GAREM1: variants seen among roughly 807,000 people sequenced by gnomAD.
GAREM1 encodes the protein GRB2 associated regulator of MAPK1 subtype 1.
Under a neutral mutation model 71.3 loss-of-function variants are expected in GAREM1, and 26 were observed. The observed-to-expected ratio is 0.36, with a 90% confidence interval of 0.27 to 0.51. GAREM1 has a LOEUF of 0.51. Among genes scored for constraint, GAREM1 ranks in the 20% least tolerant of loss-of-function variants. GAREM1 has a pLI of 0.95. For synonymous variants in GAREM1, 440 were observed against 433.2 expected (o/e 1.02, Z -0.20); for missense variants, 1,026 against 1,103.1 (o/e 0.93, Z 0.99).
chr18:32,442,383 G>A (rs2048747039), intron 1 of GAREM1, among the ~76,000 whole-genome samples: 1 of 152,108 alleles, frequency 6.6e-6, no homozygotes, highest in East Asian at 1.9e-4. Flanking sequence ...CTCGGCATGT[G>A]ATATTTCAGG....
chr18:32,303,301 G>A (rs1330183199), intron 3 of GAREM1, among the ~76,000 whole-genome samples: 1 of 152,144 alleles, frequency 6.6e-6, no homozygotes, highest in African/African-American at 2.4e-5. Flanking sequence ...GTGAAGATAG[G>A]ATGCCTCAGA....
intron 2 of GAREM1, among the ~76,000 whole-genome samples, chr18:32,374,682 G>A (rs897343452): frequency 1.3e-5 from 2 of 152,194 alleles, no homozygotes; most frequent in Non-Finnish European, 2.9e-5. Context: ...TATAATATGT[G>A]CCTTGAGAAG....
chr18:32,423,619 C>A (rs757170016), intron 1 of GAREM1, among the ~76,000 whole-genome samples: 1 of 152,168 alleles, frequency 6.6e-6, no homozygotes, highest in Non-Finnish European at 1.5e-5. Flanking sequence ...TATATTACCA[C>A]CTCACAACTG....
At position 32,268,724 on chromosome 18, in the gene GAREM1, A is replaced by G. The variant is rs778883367; in HGVS notation, c.1778T>C (p.Val593Ala). 2 of 1,614,184 alleles carry G rather than the reference A, an allele frequency of 1.2e-6. No homozygotes were observed. Reference protein sequence around the residue: ...TDTNPSESTPVSCYPCNRVKT... With the variant: ...TDTNPSESTPASCYPCNRVKT... ...CACTCGGTTACATGGATAGCAGGAA[A>G]CAGGAGTGCTTTCAGAAGGATTTGT... Residue 593 changes from valine to alanine, a missense_variant, in exon 6 of 6, where the codon GTT becomes GCT. Val to Ala is a moderately conservative substitution (Grantham distance 64, BLOSUM62 0). Around this residue, in one of 3 missense-constraint regions of GAREM1, gnomAD observed 636 missense variants for 631.2 expected, o/e 1.01. Transcript: ENST00000269209.
intron 2 of GAREM1, among the ~76,000 whole-genome samples, chr18:32,341,045 T>A (rs1357843889): frequency 6.6e-6 from 1 of 152,178 alleles, no homozygotes; most frequent in Non-Finnish European, 1.5e-5. Context: ...TTGTTACATA[T>A]GTATACATGT....
At chr18:32,333,635 T>G (rs560216084) in intron 2 of GAREM1, among the ~76,000 whole-genome samples, 2 of 152,320 alleles carry the variant, frequency 1.3e-5, no homozygotes, top group East Asian at 3.9e-4. Context: ...CCACTCTTTT[T>G]AATTCAAAGG....
chr18:32,358,201 A>G (rs1370550849), intron 2 of GAREM1, among the ~76,000 whole-genome samples: 1 of 142,814 alleles, frequency 7.0e-6, no homozygotes, highest in Non-Finnish European at 1.5e-5. Flanking sequence ...CGGAGAGCAC[A>G]CCCGGCTTGT....
intron 1 of GAREM1, among the ~76,000 whole-genome samples, chr18:32,460,397 A>G (rs1229939914): frequency 6.6e-6 from 1 of 152,234 alleles, no homozygotes; most frequent in Non-Finnish European, 1.5e-5. Context: ...TAAGGTCATC[A>G]AAGCCCACGT....
intron 2 of GAREM1, among the ~76,000 whole-genome samples, chr18:32,363,983 A>AATACATAT (rs1567980434): frequency 8.0e-5 from 5 of 62,726 alleles, no homozygotes; most frequent in Admixed American, 2.4e-4. Context: ...CAAATACATA[A>AATACATAT]ATACATATAT....
intron 2 of GAREM1, among the ~76,000 whole-genome samples, chr18:32,320,771 T>C (rs939006057): frequency 2.6e-5 from 4 of 152,200 alleles, no homozygotes; most frequent in Admixed American, 2.6e-4. Flanking sequence ...TTTCACACCA[T>C]GCAAACTGGT....
chr18:32,334,879 G>A (rs2047573739), intron 2 of GAREM1, among the ~76,000 whole-genome samples: 1 of 152,072 alleles, frequency 6.6e-6, no homozygotes, highest in Non-Finnish European at 1.5e-5. Context: ...GCACCCTCAG[G>A]AGAGTTGACA....
intron 1 of GAREM1, among the ~76,000 whole-genome samples, chr18:32,432,030 T>C (rs2048629525): frequency 6.6e-6 from 1 of 152,138 alleles, no homozygotes; most frequent in African/African-American, 2.4e-5. Context: ...ATATCTGTTG[T>C]CAGCAGATCT....
chr18:32,270,432 C>A (rs375053019), intron 4 of GAREM1, 49 bp from the exon 5 acceptor site: 2 of 1,520,282 alleles, frequency 1.3e-6, no homozygotes, highest in Non-Finnish European at 1.8e-6. Context: ...GACAATGCCA[C>A]GGGGCGCCAG....
At chr18:32,405,241 C>T (rs186442804) in intron 1 of GAREM1, among the ~76,000 whole-genome samples, 52 of 152,120 alleles carry the variant, frequency 3.4e-4, no homozygotes, top group Non-Finnish European at 6.3e-4. Flanking sequence ...CTCTATCACC[C>T]AGGCTCAAGT....
chr18:32,327,259 C>A (rs2047482849), intron 2 of GAREM1, among the ~76,000 whole-genome samples: 1 of 151,996 alleles, frequency 6.6e-6, no homozygotes, highest in African/African-American at 2.4e-5. Flanking sequence ...TATTTAAGAA[C>A]CTATACAGAT....
chr18:32,327,117 T>C (rs2047481624), intron 2 of GAREM1, among the ~76,000 whole-genome samples: 1 of 152,246 alleles, frequency 6.6e-6, no homozygotes, highest in Non-Finnish European at 1.5e-5. Context: ...TCAGCAATTA[T>C]GATTTCTGAT....
At chr18:32,348,371 G>A (rs2047715916) in intron 2 of GAREM1, among the ~76,000 whole-genome samples, 1 of 152,106 alleles carries the variant, frequency 6.6e-6, no homozygotes, top group Non-Finnish European at 1.5e-5. Flanking sequence ...TATTATAAGA[G>A]AAATGAAAAG....
chr18:32,309,502 G>A (rs1279713407), intron 3 of GAREM1, among the ~76,000 whole-genome samples: 1 of 132,942 alleles, frequency 7.5e-6, no homozygotes, highest in Non-Finnish European at 1.7e-5. Context: ...TATAGCCCCA[G>A]CTGCTGGGGA....
At chr18:32,409,485 A>C (rs1457614672) in intron 1 of GAREM1, among the ~76,000 whole-genome samples, 1 of 152,200 alleles carries the variant, frequency 6.6e-6, no homozygotes, top group Non-Finnish European at 1.5e-5. Context: ...AAGAAAATCG[A>C]GATTAATCTA....
Sources: gnomAD v4.1 joint callset for allele counts (sites outside exome capture counted in the v4.1 genomes callset) on GRCh38, gnomAD v4.1.1 for gene constraint, gnomAD v4.1.1 regional missense constraint, MANE v1.5 for transcripts, NCBI Gene and HGNC (gene_info 2026-07-23, HGNC 2026-07-21) for gene names.